The following SLC24A2 variants were observed in gnomAD, a reference collection of about 807,000 sequenced individuals.
SLC24A2 encodes sodium/potassium/calcium exchanger 2.
Under a neutral mutation model 62.0 loss-of-function variants are expected in SLC24A2, and 36 were observed. The ratio of observed to expected loss-of-function variants is 0.58; its 90% CI spans 0.44 to 0.77. The LOEUF is 0.77. Among genes scored for constraint, SLC24A2 ranks in the 30% least tolerant of loss-of-function variants. The probability of loss-of-function intolerance (pLI) is 0.00; values close to 1 mark genes in which losing one functional copy is unlikely to be tolerated. For synonymous variants in SLC24A2, 358 were observed against 294.0 expected (o/e 1.22, Z -2.23); for missense variants, 846 against 817.9 (o/e 1.03, Z -0.42).
the SLC24A2 span, among the ~76,000 whole-genome samples, chr9:19,993,465 T>C: frequency 6.6e-6 from 1 of 152,336 alleles, no homozygotes; most frequent in Non-Finnish European, 1.5e-5. Flanking sequence ...ATTTATTTTA[T>C]AACCATCTAT....
the SLC24A2 span, among the ~76,000 whole-genome samples, chr9:19,829,895 CCTTT>C: frequency 2.7e-5 from 4 of 149,318 alleles, no homozygotes; most frequent in Non-Finnish European, 5.9e-5. Flanking sequence ...TCATTTCCTT[CCTTT>C]CTCTTTTTAT....
At chr9:19,553,636 G>T (rs967970636) in intron 7 of SLC24A2, among the ~76,000 whole-genome samples, 2 of 152,200 alleles carry the variant, frequency 1.3e-5, no homozygotes, top group Admixed American at 6.5e-5. Flanking sequence ...GGCAGAGTAG[G>T]TGGTAGAGAA....
chr9:20,084,405 A>G, the SLC24A2 span, among the ~76,000 whole-genome samples: 4 of 152,050 alleles, frequency 2.6e-5, no homozygotes, highest in African/African-American at 7.2e-5. Context: ...AACAATTGGG[A>G]AACACTACAA....
the SLC24A2 span, among the ~76,000 whole-genome samples, chr9:19,952,904 G>A: frequency 6.6e-6 from 1 of 151,744 alleles, no homozygotes; most frequent in Non-Finnish European, 1.5e-5. Context: ...GTTTGATAAG[G>A]TTTATAATTA....
chr9:19,716,426 G>C (rs1357520507), intron 2 of SLC24A2, among the ~76,000 whole-genome samples: 1 of 152,198 alleles, frequency 6.6e-6, no homozygotes, highest in Non-Finnish European at 1.5e-5. Context: ...ATAGAACAGG[G>C]TTCCTAGCTT....
intron 7 of SLC24A2, among the ~76,000 whole-genome samples, chr9:19,560,138 T>A (rs1835318738): frequency 6.6e-6 from 1 of 152,188 alleles, no homozygotes; most frequent in Non-Finnish European, 1.5e-5. Flanking sequence ...AAAGCATCAT[T>A]TGCTTTTCTT....
chr9:19,536,525 A>G (rs1377867870), intron 8 of SLC24A2, among the ~76,000 whole-genome samples: 22 of 79,366 alleles, frequency 2.8e-4, no homozygotes, highest in African/African-American at 1.1e-3. Context: ...TACAAAGGAC[A>G]TGAACTCATC....
At chr9:20,263,686 T>C in the SLC24A2 span, among the ~76,000 whole-genome samples, 1 of 152,200 alleles carries the variant, frequency 6.6e-6, no homozygotes, top group African/African-American at 2.4e-5. Flanking sequence ...TGATGCTTTT[T>C]GTAGTAGCCA....
the SLC24A2 span, among the ~76,000 whole-genome samples, chr9:19,947,808 A>AAAAAAAAG: frequency 3.4e-5 from 2 of 59,224 alleles, no homozygotes; most frequent in Non-Finnish European, 3.1e-5. Flanking sequence ...AAAAAAAAAA[A>AAAAAAAAG]AAAGAAAGAA....
intron 4 of SLC24A2, among the ~76,000 whole-genome samples, chr9:19,607,518 G>A (rs1430065858): frequency 3.3e-5 from 5 of 151,984 alleles, no homozygotes; most frequent in Admixed American, 1.3e-4. Context: ...TCAGGAGTTC[G>A]AGACCAGCCT....
chr9:20,161,559 G>T, the SLC24A2 span, among the ~76,000 whole-genome samples: 1 of 151,252 alleles, frequency 6.6e-6, no homozygotes. Flanking sequence ...GGGATGAAAG[G>T]ATGGTTCAAT....
the SLC24A2 span, among the ~76,000 whole-genome samples, chr9:19,999,503 T>C: frequency 6.6e-6 from 1 of 152,238 alleles, no homozygotes; most frequent in Non-Finnish European, 1.5e-5. Flanking sequence ...TAGTAACTAA[T>C]GATTTACAAT....
At chr9:20,056,177 T>C in the SLC24A2 span, among the ~76,000 whole-genome samples, 1 of 152,252 alleles carries the variant, frequency 6.6e-6, no homozygotes, top group African/African-American at 2.4e-5. Context: ...CATTTGCTGA[T>C]AGTATCCATT....
At chr9:20,178,902 T>C in the SLC24A2 span, among the ~76,000 whole-genome samples, 1,048 of 152,286 alleles carry the variant, frequency 6.9e-3, 9 homozygotes, top group African/African-American at 0.023. Context: ...ATGCTCAGAA[T>C]AACTACCCTT....
intron 2 of SLC24A2, among the ~76,000 whole-genome samples, chr9:19,784,912 T>C (rs906803106): frequency 1.6e-4 from 25 of 152,188 alleles, no homozygotes; most frequent in African/African-American, 5.5e-4. Flanking sequence ...AATTTAACCA[T>C]ATTAATATCA....
At chr9:20,027,513 C>A in the SLC24A2 span, among the ~76,000 whole-genome samples, 1 of 151,988 alleles carries the variant, frequency 6.6e-6, no homozygotes, top group African/African-American at 2.4e-5. Context: ...TATTGATGAA[C>A]GTAGAGGACA....
the SLC24A2 span, among the ~76,000 whole-genome samples, chr9:20,077,141 T>G: frequency 2.6e-5 from 4 of 151,628 alleles, no homozygotes; most frequent in African/African-American, 4.8e-5. Flanking sequence ...GCAGAGCGTG[T>G]GGTGAGGAAT....
the SLC24A2 span, among the ~76,000 whole-genome samples, chr9:19,874,996 C>CAAAAAAAAAA: frequency 6.2e-5 from 6 of 96,742 alleles, no homozygotes; most frequent in African/African-American, 1.6e-4. Flanking sequence ...TCCAGAATTA[C>CAAAAAAAAAA]AAAAAAAAAA....
the SLC24A2 span, among the ~76,000 whole-genome samples, chr9:20,097,704 T>A: frequency 6.8e-6 from 1 of 146,212 alleles, no homozygotes. Context: ...GATCCAGGGT[T>A]TCAGAATCTT....
Sources: gnomAD v4.1 joint callset for allele counts (sites outside exome capture counted in the v4.1 genomes callset) on GRCh38, gnomAD v4.1.1 for gene constraint, MANE v1.5 for transcripts, NCBI Gene and HGNC (gene_info 2026-07-23, HGNC 2026-07-21) for gene names.